KIAA1549: variants seen among roughly 807,000 people sequenced by gnomAD.
KIAA1549 encodes UPF0606 protein KIAA1549.
Under a neutral mutation model 156.4 loss-of-function variants are expected in KIAA1549, and 70 were observed. The observed-to-expected ratio is 0.45, with a 90% CI of 0.37 to 0.55. KIAA1549 has a LOEUF of 0.55. Among genes scored for constraint, KIAA1549 ranks in the 20% least tolerant of loss-of-function variants. KIAA1549 has a pLI of 0.00. For synonymous variants in KIAA1549, 1,103 were observed against 1,066.4 expected, an observed-to-expected ratio of 1.03 and a Z score of -0.67; for missense variants, 2,428 against 2,540.9, an observed-to-expected ratio of 0.96 and a Z score of 0.96.
At chr7:138,901,713 T>G (rs1811849623) in intron 8 of KIAA1549, among the ~76,000 whole-genome samples, 1 of 152,218 alleles carries the variant, frequency 6.6e-6, no homozygotes, top group Admixed American at 6.5e-5. Context: ...ATAATTTTAT[T>G]TACCCATTCC....
chr7:138,865,092 G>T (rs1810698724), intron 15 of KIAA1549, among the ~76,000 whole-genome samples: 1 of 152,144 alleles, frequency 6.6e-6, no homozygotes, highest in Non-Finnish European at 1.5e-5. Flanking sequence ...GCCAGGCAAG[G>T]TGGCATGTGC....
At chr7:138,966,510 C>G (rs750052643) in intron 1 of KIAA1549, among the ~76,000 whole-genome samples, 1 of 152,094 alleles carries the variant, frequency 6.6e-6, no homozygotes, top group Admixed American at 6.5e-5. Context: ...AGTCCCAAAT[C>G]TGAAGAACCT....
At chr7:138,963,243 A>G (rs1267857797) in intron 1 of KIAA1549, among the ~76,000 whole-genome samples, 1 of 152,258 alleles carries the variant, frequency 6.6e-6, no homozygotes, top group Admixed American at 6.5e-5. Flanking sequence ...GACCCAGGCA[A>G]GCACACTTCC....
intron 1 of KIAA1549, among the ~76,000 whole-genome samples, chr7:138,965,724 A>G (rs1443587254): frequency 6.6e-6 from 1 of 152,236 alleles, no homozygotes; most frequent in African/African-American, 2.4e-5. Flanking sequence ...ATGTGAAAAC[A>G]GTCTGAAAGG....
At chr7:138,882,149 G>T (rs1436279168) in intron 10 of KIAA1549, among the ~76,000 whole-genome samples, 1 of 152,214 alleles carries the variant, frequency 6.6e-6, no homozygotes, top group Non-Finnish European at 1.5e-5. Context: ...TAAACAGGCA[G>T]ATTTCTAAAA....
chr7:138,925,543 G>A (rs1053338554), intron 1 of KIAA1549, among the ~76,000 whole-genome samples: 6 of 152,096 alleles, frequency 3.9e-5, no homozygotes, highest in Non-Finnish European at 5.9e-5. Flanking sequence ...AAATGGCCAG[G>A]TGCTAGTGGC....
chr7:138,847,609 C>T (rs1563047575), intron 17 of KIAA1549, among the ~76,000 whole-genome samples: 1 of 152,214 alleles, frequency 6.6e-6, no homozygotes, highest in Non-Finnish European at 1.5e-5. Context: ...TGGTCTATTT[C>T]TCTAGCCTCA....
At chr7:138,957,459 C>CCTTCTCCTTCTT (rs1554427954) in intron 1 of KIAA1549, among the ~76,000 whole-genome samples, 5 of 125,286 alleles carry the variant, frequency 4.0e-5, no homozygotes, top group East Asian at 2.5e-4. Flanking sequence ...CCCTCCTTCT[C>CCTTCTCCTTCTT]CTTCTTCTTC....
At chr7:138,847,068 G>A (rs565510789) in intron 17 of KIAA1549, among the ~76,000 whole-genome samples, 2 of 152,266 alleles carry the variant, frequency 1.3e-5, no homozygotes, top group Admixed American at 1.3e-4. Flanking sequence ...CCTAATCACA[G>A]TCTCTGGACC....
intron 1 of KIAA1549, among the ~76,000 whole-genome samples, chr7:138,968,768 G>A (rs1203704337): frequency 1.3e-5 from 2 of 150,778 alleles, no homozygotes; most frequent in Non-Finnish European, 2.9e-5. Context: ...GCTGAGGCAG[G>A]AGAATGGCGT....
At chr7:138,954,921 G>A (rs1452715564) in intron 1 of KIAA1549, among the ~76,000 whole-genome samples, 2 of 152,298 alleles carry the variant, frequency 1.3e-5, no homozygotes, top group Admixed American at 6.5e-5. Flanking sequence ...AAGGGGGACA[G>A]GGAGACAGTA....
At position 138,903,574 on chromosome 7, in the gene KIAA1549, T is replaced by C. The variant is rs761240405; in HGVS notation, c.3669+14A>G. ...CCCTCTCTCTCCTTCCCCTCCTCCT[T>C]TGATGTGGAGTACCTGCACCACACT... On this transcript the variant is annotated intron_variant, in intron 8 of 19. Transcript: ENST00000422774. 1.2e-6 allele frequency: 2 copies of C among 1,611,928 alleles called. No individual in the cohort carries two copies. The highest frequency in any genetic ancestry group is 1.7e-4 in the Middle Eastern group (1 of 6,056).
intron 18 of KIAA1549, 29 bp downstream of exon 18, chr7:138,844,288 A>C: frequency 6.2e-7 from 1 of 1,613,542 alleles, no homozygotes; most frequent in East Asian, 2.2e-5. Context: ...CCCGTAGCTC[A>C]GAAATGGAAG....
rs1039363473 is a variant in KIAA1549, at chr7:138,835,132, G to C, written c.*2774C>G. On this transcript the variant is annotated 3_prime_UTR_variant, in exon 20 of 20. Transcript: ENST00000422774. The stretch of plus-strand genomic sequence containing the variant: ...GACTCCAAAGCCACACGCTGTCAAC[G>C]CAAGGACCCTTCCTTTCAGTGGATG... 1.2e-4 allele frequency: 27 copies of C among 222,386 alleles called. 1 individual carries two copies. Among genetic ancestry groups the C allele is most frequent in the Non-Finnish European group, 2.7e-5 (3 of 111,220 alleles). 13.8% of individuals were successfully genotyped at this position (222,386 alleles called of 1,614,324 possible). A position where few individuals can be genotyped will look rare whatever the true frequency, so the allele number is the denominator to read the frequency against.
intron 17 of KIAA1549, among the ~76,000 whole-genome samples, chr7:138,844,856 G>A (rs933788158): frequency 1.3e-5 from 2 of 151,820 alleles, no homozygotes; most frequent in African/African-American, 4.9e-5. Context: ...CACTAGGGGC[G>A]AGACCAACAC....
At chr7:138,913,829 A>C (rs956097921) in intron 2 of KIAA1549, among the ~76,000 whole-genome samples, 3 of 152,104 alleles carry the variant, frequency 2.0e-5, no homozygotes, top group African/African-American at 7.2e-5. Context: ...CTGAAAGGGA[A>C]AGATAAAATG....
chr7:138,920,458 C>T (rs10242729), intron 1 of KIAA1549, among the ~76,000 whole-genome samples: 8 of 144,828 alleles, frequency 5.5e-5, no homozygotes, highest in African/African-American at 1.8e-4. Flanking sequence ...ATTGACATCA[C>T]TTGGATTGAT....
At chr7:138,940,379 G>GTA (rs1232733775) in intron 1 of KIAA1549, among the ~76,000 whole-genome samples, 2 of 151,102 alleles carry the variant, frequency 1.3e-5, no homozygotes, top group Non-Finnish European at 3.0e-5. Context: ...ATTCCATGGT[G>GTA]TATATGTGCC....
intron 12 of KIAA1549, among the ~76,000 whole-genome samples, chr7:138,872,549 G>A (rs1810970242): frequency 6.6e-6 from 1 of 152,044 alleles, no homozygotes; most frequent in East Asian, 1.9e-4. Flanking sequence ...CTTTAATTTT[G>A]AAAAAAGAGA....
Sources: allele counts gnomAD v4.1 joint callset (sites outside exome capture counted in the v4.1 genomes callset), GRCh38; gene constraint gnomAD v4.1.1; transcripts MANE v1.5; gene names NCBI Gene and HGNC (gene_info 2026-07-23, HGNC 2026-07-21).